Variants in AGPAT4 observed in about 807,000 individuals in gnomAD.
AGPAT4 encodes the protein 1-acylglycerol-3-phosphate O-acyltransferase 4.
Under a neutral mutation model 48.0 loss-of-function variants are expected in AGPAT4, and 15 were observed. The observed-to-expected ratio is 0.31, with a 90% CI of 0.21 to 0.48. The LOEUF (loss-of-function observed/expected upper bound fraction) is 0.48. AGPAT4 is among the 20% of genes least tolerant of loss of function. The pLI is 0.99. For synonymous variants in AGPAT4, 178 were observed against 198.7 expected (o/e 0.90, Z 0.88); for missense variants, 314 against 482.5 (o/e 0.65, Z 3.27).
At position 161,254,714 on chromosome 6, in the gene AGPAT4, C is replaced by A. The variant is rs1169006222; in HGVS notation, c.-90+19224G>T. Among the ~76,000 whole-genome samples, 3 of 152,228 alleles carry A rather than the reference C, an allele frequency of 2.0e-5. No homozygotes were observed. Among genetic ancestry groups the A allele is most frequent in the African/African-American group, 7.2e-5 (3 of 41,466 alleles). ...TCCTTAGATTTACTGAGGCTACTTACAACTTCTTCTGTTAATCCTTGGTTC... is the reference window on the plus strand; with the variant it reads ...TCCTTAGATTTACTGAGGCTACTTAAAACTTCTTCTGTTAATCCTTGGTTC... On this transcript the variant is annotated intron_variant, in intron 1 of 8. Transcript: ENST00000320285. The surrounding 1 kb of genome is among the most constrained non-coding windows in gnomAD (Gnocchi z 5.9).
At chr6:161,265,475 C>T (rs910271816) in intron 1 of AGPAT4, among the ~76,000 whole-genome samples, 51 of 147,484 alleles carry the variant, frequency 3.5e-4, no homozygotes, top group African/African-American at 1.1e-3. Context: ...TAGTACCCAC[C>T]GCTGGACTGG....
chr6:161,270,648 G>A lies in AGPAT4; in HGVS notation c.-90+3290C>T, dbSNP rs1019162495. 1.3e-5 allele frequency among the ~76,000 whole-genome samples: 2 copies of A among 152,132 alleles called. No individual in the cohort carries two copies. Among genetic ancestry groups the A allele is most frequent in the Admixed American group, 6.5e-5 (1 of 15,282 alleles). On this transcript the variant is annotated intron_variant, in intron 1 of 8. Coordinates refer to ENST00000320285, the MANE Select transcript of AGPAT4 (RefSeq NM_020133.3). The surrounding 1 kb of genome is among the most constrained non-coding windows in gnomAD (Gnocchi z 5.3). ...AAAAAATAAATTAGCTGGGCGTGGT[G>A]CCACATGCTTGTGATCCCAGCTACT...
intron 2 of AGPAT4, among the ~76,000 whole-genome samples, chr6:161,224,691 G>C (rs2115030217): frequency 6.6e-6 from 1 of 151,540 alleles, no homozygotes; most frequent in South Asian, 2.1e-4. Context: ...GCTCTCTGAG[G>C]GCAGGACAGT....
At chr6:161,168,660 CGA>C in intron 2 of AGPAT4, among the ~76,000 whole-genome samples, 1 of 152,168 alleles carries the variant, frequency 6.6e-6, no homozygotes, top group East Asian at 1.9e-4. Context: ...AAGCACTCTG[CGA>C]GATACAGGAG....
intron 2 of AGPAT4, among the ~76,000 whole-genome samples, chr6:161,167,965 G>C (rs1780153429): frequency 6.6e-6 from 1 of 152,120 alleles, no homozygotes; most frequent in South Asian, 2.1e-4. Flanking sequence ...TCCTTCTCCA[G>C]AAATGAACAA....
chr6:161,194,807 TTTAAG>T (rs1173636181), intron 2 of AGPAT4, among the ~76,000 whole-genome samples: 3 of 149,364 alleles, frequency 2.0e-5, no homozygotes, highest in African/African-American at 7.8e-5. Flanking sequence ...TTTGTTCATC[TTTAAG>T]TTATCAGACT....
At chr6:161,167,434 C>A (rs1275474610) in intron 2 of AGPAT4, among the ~76,000 whole-genome samples, 1 of 152,170 alleles carries the variant, frequency 6.6e-6, no homozygotes, top group Non-Finnish European at 1.5e-5. Context: ...TGCCATGCTG[C>A]CTACTGGGTA....
In AGPAT4 at chr6:161,218,292, CA is replaced by C. The variant is rs1781712085; in HGVS notation, c.178+13743del. On this transcript the variant is annotated intron_variant, in intron 2 of 8. Transcript: ENST00000320285. This position sits in a 1 kb window ranked among gnomAD's most constrained non-coding sequence, Gnocchi z 4.7. The stretch of plus-strand genomic sequence containing the variant: ...TATAGTTCTGCCGATTTCTATGGTG[CA>C]AATATTCCCACAAATGTCAGTGCCA... 6.6e-6 allele frequency among the ~76,000 whole-genome samples: 1 copy of C among 152,214 alleles called. No individual in the cohort carries two copies. Among genetic ancestry groups the C allele is most frequent in the South Asian group, 2.1e-4 (1 of 4,816 alleles).
rs1051344848 is a variant in AGPAT4, at chr6:161,142,226, C to T, written c.844-2606G>A. The stretch of plus-strand genomic sequence containing the variant: ...TCATCCCCTCCCCTCACTTATGGCC[C>T]ATGACATTGCCACAGGACCTCCCAC... On this transcript the variant is annotated intron_variant, in intron 7 of 8. Transcript: ENST00000320285. The surrounding 1 kb of genome is among the most constrained non-coding windows in gnomAD (Gnocchi z 6.4). Among the ~76,000 whole-genome samples, 2 of 152,210 alleles carry T rather than the reference C, an allele frequency of 1.3e-5. No homozygotes were observed. Among genetic ancestry groups the T allele is most frequent in the African/African-American group, 4.8e-5 (2 of 41,454 alleles).
At chr6:161,203,469 A>G (rs764833439) in intron 2 of AGPAT4, among the ~76,000 whole-genome samples, 9 of 143,988 alleles carry the variant, frequency 6.3e-5, no homozygotes, top group Non-Finnish European at 9.0e-5. Context: ...GGTCACTGCA[A>G]CCTCCACCTC....
chr6:161,139,541 A>G lies in AGPAT4; in HGVS notation c.923T>C (p.Leu308Pro), dbSNP rs1779182135. ...CGAGGCCCAAAACAGCCAGTTCACG[A>G]GGGTCCAGGGCCGCCGGGGGGGCAC... ...PMVPPRRPWTLVNWLFWASLV... is the reference protein window; with the variant it reads ...PMVPPRRPWTPVNWLFWASLV... Residue 308 changes from leucine to proline, a missense_variant, in exon 8 of 9, where the codon CTC (leucine) becomes CCC (proline). Leu to Pro is a moderately conservative substitution (Grantham distance 98). Coordinates refer to ENST00000320285, the MANE Select transcript of AGPAT4 (RefSeq NM_020133.3). The surrounding 1 kb of genome is among the most constrained non-coding windows in gnomAD (Gnocchi z 9.1). 6.2e-7 allele frequency: 1 copy of G among 1,613,908 alleles called. No individual in the cohort carries two copies. Among genetic ancestry groups the G allele is most frequent in the South Asian group, 1.1e-5 (1 of 91,070 alleles).
At position 161,166,628 on chromosome 6, in the gene AGPAT4, GA is replaced by G. The variant is rs1049579122; in HGVS notation, c.179-212del. 6.6e-6 allele frequency among the ~76,000 whole-genome samples: 1 copy of G among 152,178 alleles called. No individual in the cohort carries two copies. The highest frequency in any genetic ancestry group is 1.5e-5 in the Non-Finnish European group (1 of 68,020). Reference sequence around the variant, plus strand: ...CTTCACAACATTCTCCAGGGAAGAAGAGAAGGATACTTGGAGAAGGTAAATG... The same window carrying G: ...CTTCACAACATTCTCCAGGGAAGAAGGAAGGATACTTGGAGAAGGTAAATG... On this transcript the variant is annotated intron_variant, in intron 2 of 8. Coordinates refer to ENST00000320285, the MANE Select transcript of AGPAT4 (RefSeq NM_020133.3). This position sits in a 1 kb window ranked among gnomAD's most constrained non-coding sequence, Gnocchi z 6.7.
intron 2 of AGPAT4, among the ~76,000 whole-genome samples, chr6:161,175,587 G>A (rs1203185386): frequency 6.6e-6 from 1 of 152,018 alleles, no homozygotes; most frequent in Non-Finnish European, 1.5e-5. Flanking sequence ...CAAAAAACCA[G>A]CTCCTGGATT....
chr6:161,205,689 C>T (rs961073154), intron 2 of AGPAT4, among the ~76,000 whole-genome samples: 1 of 802 alleles, frequency 1.2e-3, no homozygotes, highest in Non-Finnish European at 2.2e-3. Flanking sequence ...ATCAAAACAC[C>T]AAGTTGAAAC....
chr6:161,219,824 GAGATAGAT>G lies in AGPAT4; in HGVS notation c.178+12204_178+12211del, dbSNP rs55973440. ...AGATTCACAGTAAAAAAGATAGACA[GAGATAGAT>G]AGATAGATAGATAGATAGATAGATA... is the stretch of plus-strand genomic sequence containing the variant. On this transcript the variant is annotated intron_variant, in intron 2 of 8. Coordinates refer to ENST00000320285, the MANE Select transcript of AGPAT4 (RefSeq NM_020133.3). This position sits in a 1 kb window ranked among gnomAD's most constrained non-coding sequence, Gnocchi z 4.9. Among the ~76,000 whole-genome samples the G allele has an allele frequency of 1.3e-3, 117 of 89,520 alleles. No homozygotes were observed. Among genetic ancestry groups the G allele is most frequent in the Admixed American group, 3.4e-3 (25 of 7,396 alleles). The allele number at this position is 89,520 out of a possible 152,430, so 58.7% of individuals were successfully genotyped here.
At chr6:161,213,057 T>C (rs1407571182) in intron 2 of AGPAT4, among the ~76,000 whole-genome samples, 2 of 152,238 alleles carry the variant, frequency 1.3e-5, no homozygotes, top group African/African-American at 4.8e-5. Context: ...ACAGGGTTCC[T>C]GACCTGTGGT....
rs1057285799 is a variant in AGPAT4, at chr6:161,155,480, G to A, written c.349-1170C>T. ...CATGCCTCTCCGCAGCTCCAGCTCA[G>A]CACAGGGTCAGTAAGCCGTGTCCCC... On this transcript the variant is annotated intron_variant, in intron 3 of 8. Coordinates refer to ENST00000320285, the MANE Select transcript of AGPAT4 (RefSeq NM_020133.3). The surrounding 1 kb of genome is among the most constrained non-coding windows in gnomAD (Gnocchi z 5.8). 1.3e-5 allele frequency among the ~76,000 whole-genome samples: 2 copies of A among 152,126 alleles called. No individual in the cohort carries two copies. The highest frequency in any genetic ancestry group is 6.5e-5 in the Admixed American group (1 of 15,270).
chr6:161,194,525 T>C (rs1434701875), intron 2 of AGPAT4, among the ~76,000 whole-genome samples: 1 of 151,828 alleles, frequency 6.6e-6, no homozygotes, highest in African/African-American at 2.4e-5. Context: ...TATGTGTGTG[T>C]CTGTGTGTCT....
rs1404231989 is a variant in AGPAT4, at chr6:161,190,588, A to G, written c.179-24171T>C. On this transcript the variant is annotated intron_variant, in intron 2 of 8. Transcript: ENST00000320285. Reference sequence around the variant, plus strand: ...AGCTTTACCCAGAAGAAACCAAGGGAAAAAAAAAAAAAAAAAGATCCTTAG... The same window carrying G: ...AGCTTTACCCAGAAGAAACCAAGGGGAAAAAAAAAAAAAAAAGATCCTTAG... Among the ~76,000 whole-genome samples the G allele has an allele frequency of 1.6e-4, 7 of 43,716 alleles. No individual in the cohort carries two copies. In the East Asian group the frequency reaches 9.1e-3, roughly 57 times the overall value. The allele number at this position is 43,716 out of a possible 152,430, so 28.7% of individuals were successfully genotyped here.
Sources: gnomAD v4.1 joint callset for allele counts (sites outside exome capture counted in the v4.1 genomes callset) on GRCh38, gnomAD v4.1.1 for gene constraint, Gnocchi (gnomAD v3.1) non-coding constraint, MANE v1.5 for transcripts, NCBI Gene and HGNC (gene_info 2026-07-23, HGNC 2026-07-21) for gene names.